Variants in LYPLAL1 observed in about 807,000 individuals in gnomAD.
The protein encoded by LYPLAL1 is lysophospholipase-like protein 1.
In LYPLAL1, 23 loss-of-function variants were observed where a neutral mutation model predicts 19.7. The observed-to-expected ratio is 1.17, with a 90% CI of 0.84 to 1.65. The LOEUF (loss-of-function observed/expected upper bound fraction) is 1.65. Ranked by LOEUF, LYPLAL1 falls within the 40% of genes most tolerant of loss-of-function variation. The pLI is 0.00. For synonymous variants in LYPLAL1, 119 were observed against 96.3 expected (o/e 1.24, Z -1.38); for missense variants, 355 against 279.4 (o/e 1.27, Z -1.93).
chr1:219,410,688 C>G, the LYPLAL1 span, among the ~76,000 whole-genome samples: 2 of 152,224 alleles, frequency 1.3e-5, no homozygotes, highest in Non-Finnish European at 2.9e-5. Flanking sequence ...GTGTGCGGCA[C>G]TTGCGGGCCA....
the LYPLAL1 span, among the ~76,000 whole-genome samples, chr1:219,364,674 T>C: frequency 2.0e-5 from 3 of 152,246 alleles, no homozygotes; most frequent in South Asian, 6.2e-4. Flanking sequence ...AAACAGATAA[T>C]CTGAGATTTA....
chr1:219,255,611 A>T, the LYPLAL1 span, among the ~76,000 whole-genome samples: 2 of 151,878 alleles, frequency 1.3e-5, no homozygotes, highest in South Asian at 4.1e-4. Flanking sequence ...GCCTTGTTCT[A>T]AATGGGCCCC....
chr1:219,391,288 G>T, the LYPLAL1 span, among the ~76,000 whole-genome samples: 1 of 152,068 alleles, frequency 6.6e-6, no homozygotes, highest in African/African-American at 2.4e-5. Context: ...TGAGAACTTG[G>T]CTCAGCTTGC....
At chr1:219,329,403 G>T in the LYPLAL1 span, among the ~76,000 whole-genome samples, 2 of 152,082 alleles carry the variant, frequency 1.3e-5, no homozygotes, top group Non-Finnish European at 2.9e-5. Flanking sequence ...TTTGTCATAC[G>T]TTTAGCAATG....
chr1:219,356,764 T>C, the LYPLAL1 span, among the ~76,000 whole-genome samples: 1 of 152,190 alleles, frequency 6.6e-6, no homozygotes. Context: ...TTACTTGCAA[T>C]ATGAAGTCTG....
the LYPLAL1 span, among the ~76,000 whole-genome samples, chr1:219,230,986 TA>T: frequency 1.3e-5 from 2 of 152,166 alleles, no homozygotes; most frequent in African/African-American, 4.8e-5. Context: ...GAGACTCTCT[TA>T]AAAAAATTAC....
chr1:219,240,399 T>A, the LYPLAL1 span, among the ~76,000 whole-genome samples: 1 of 152,176 alleles, frequency 6.6e-6, no homozygotes, highest in Non-Finnish European at 1.5e-5. Context: ...TTTTGGAAGA[T>A]TTTCTACAAA....
the LYPLAL1 span, among the ~76,000 whole-genome samples, chr1:219,388,313 ATC>A: frequency 6.6e-6 from 1 of 151,472 alleles, no homozygotes; most frequent in Non-Finnish European, 1.5e-5. Flanking sequence ...CAATGGCAGG[ATC>A]TCTCTCTCTC....
the LYPLAL1 span, among the ~76,000 whole-genome samples, chr1:219,375,592 T>A: frequency 7.3e-5 from 11 of 151,548 alleles, no homozygotes; most frequent in Admixed American, 7.2e-4. Context: ...GTAGCAAATG[T>A]CTCAGAAGAA....
chr1:219,229,865 C>A, the LYPLAL1 span, among the ~76,000 whole-genome samples: 1 of 152,188 alleles, frequency 6.6e-6, no homozygotes, highest in Admixed American at 6.5e-5. Context: ...TATCAAGGTC[C>A]TCTAATCATA....
In LYPLAL1 at chr1:219,193,243, TA is replaced by T. The variant is rs1253616115; in HGVS notation, c.354del (p.Leu119Ter). On this transcript the variant is annotated frameshift_variant, in exon 3 of 5. Transcript: ENST00000366928. LOFTEE classifies it high-confidence loss of function. ...EVKSGIKKNR[I>X]LIGGFSMGGC... ...AAAAGTGGCATCAAGAAGAACAGGA[TA>T]TTAATAGGTAAGACCTTTAAATGTT... 2.5e-6 allele frequency: 4 copies of T among 1,608,434 alleles called. No homozygotes were observed. Among genetic ancestry groups the T allele is most frequent in the Non-Finnish European group, 3.4e-6 (4 of 1,176,504 alleles).
At chr1:219,289,908 A>G in the LYPLAL1 span, among the ~76,000 whole-genome samples, 10 of 152,322 alleles carry the variant, frequency 6.6e-5, no homozygotes, top group Admixed American at 5.9e-4. Flanking sequence ...CATCAGAGAA[A>G]CACATTAGTT....
At chr1:219,189,129 T>C (rs1656948794) in intron 2 of LYPLAL1, among the ~76,000 whole-genome samples, 1 of 151,682 alleles carries the variant, frequency 6.6e-6, no homozygotes, top group African/African-American at 2.4e-5. Context: ...AATTAAGGCA[T>C]TGTCAAAGAA....
chr1:219,211,549 G>T lies in LYPLAL1; in HGVS notation c.535G>T (p.Asp179Tyr), dbSNP rs774033425. 5.6e-6 allele frequency: 9 copies of T among 1,613,368 alleles called. No homozygotes were observed. The Admixed American group carries it at 1.5e-4, about 27-fold the overall frequency. Residue 179 changes from aspartate to tyrosine, a missense_variant, in exon 5 of 5, where the codon GAT becomes TAT. Coordinates refer to ENST00000366928, the MANE Select transcript of LYPLAL1 (RefSeq NM_138794.5). ...PELFQCHGTA[D>Y]ELVLHSWAEE... ...ATTATTTCAGTGTCATGGTACTGCA[G>T]ATGAGTTAGTTCTTCATTCTTGGGC...
the LYPLAL1 span, among the ~76,000 whole-genome samples, chr1:219,399,325 C>T: frequency 6.6e-6 from 1 of 152,142 alleles, no homozygotes; most frequent in Non-Finnish European, 1.5e-5. Flanking sequence ...GTTCTCTGTA[C>T]CTAGTTTCAC....
At chr1:219,278,817 G>A in the LYPLAL1 span, among the ~76,000 whole-genome samples, 1 of 152,134 alleles carries the variant, frequency 6.6e-6, no homozygotes, top group Non-Finnish European at 1.5e-5. Flanking sequence ...TTTGGACCTT[G>A]ATAATTCCTT....
At chr1:219,199,481 C>T (rs1288726289) in intron 3 of LYPLAL1, among the ~76,000 whole-genome samples, 6 of 151,788 alleles carry the variant, frequency 4.0e-5, no homozygotes, top group South Asian at 2.1e-4. Flanking sequence ...CTCTGTGGCC[C>T]GCCCAAGCTG....
At chr1:219,372,907 A>G in the LYPLAL1 span, among the ~76,000 whole-genome samples, 2 of 152,156 alleles carry the variant, frequency 1.3e-5, no homozygotes, top group Admixed American at 6.5e-5. Context: ...CCTTCTCAAA[A>G]AAAAAAATAA....
the LYPLAL1 span, among the ~76,000 whole-genome samples, chr1:219,334,773 C>T: frequency 6.6e-6 from 1 of 151,820 alleles, no homozygotes; most frequent in Admixed American, 6.6e-5. Flanking sequence ...CTAGCCATTT[C>T]TGTGTGAAGA....
Sources: allele counts gnomAD v4.1 joint callset (sites outside exome capture counted in the v4.1 genomes callset), GRCh38; gene constraint gnomAD v4.1.1; transcripts MANE v1.5; gene names NCBI Gene and HGNC (gene_info 2026-07-23, HGNC 2026-07-21).